The following RNF111 variants were observed in gnomAD, a reference collection of about 807,000 sequenced individuals.
RNF111 encodes the protein E3 ubiquitin-protein ligase Arkadia.
A neutral mutation model predicts 95.1 loss-of-function variants in RNF111; 17 were observed. That is an observed-to-expected ratio of 0.18 (90% CI 0.12 to 0.27). The LOEUF (loss-of-function observed/expected upper bound fraction) is 0.27. Ranked by LOEUF, RNF111 falls within the 10% of genes least tolerant of loss-of-function variation. The probability of loss-of-function intolerance (pLI) is 1.00; values close to 1 mark genes in which losing one functional copy is unlikely to be tolerated. For missense variants in RNF111, 1,189 were observed against 1,210.4 expected, an observed-to-expected ratio of 0.98 and a Z score of 0.26; for synonymous variants, 440 against 414.8, an observed-to-expected ratio of 1.06 and a Z score of -0.74.
At chr15:59,012,003 C>CTTTTTTTTTTTTTTTTTTTTTT (rs71425836) in intron 1 of RNF111, among the ~76,000 whole-genome samples, 4 of 40,450 alleles carry the variant, frequency 9.9e-5, no homozygotes, top group Admixed American at 5.0e-4. Context: ...GTTTGTTTGC[C>CTTTTTTTTTTTTTTTTTTTTTT]TTTTTTTTTT....
intron 2 of RNF111, among the ~76,000 whole-genome samples, chr15:59,041,079 G>C (rs903364586): frequency 6.6e-6 from 1 of 151,892 alleles, no homozygotes; most frequent in South Asian, 2.1e-4. Context: ...TATTGTTGGG[G>C]TATACAGAGA....
At chr15:59,060,807 A>ATTT (rs201470570) in intron 5 of RNF111, among the ~76,000 whole-genome samples, 18,332 of 144,014 alleles carry the variant, frequency 0.13, 1,335 homozygotes, top group Middle Eastern at 0.21. Context: ...TATTATTATT[A>ATTT]TTTTTTTTTT....
intron 1 of RNF111, among the ~76,000 whole-genome samples, chr15:58,990,207 A>C (rs1476022526): frequency 6.6e-6 from 1 of 152,216 alleles, no homozygotes; most frequent in African/African-American, 2.4e-5. Flanking sequence ...ATTGTAGAAT[A>C]GATAACTTTC....
intron 1 of RNF111, among the ~76,000 whole-genome samples, chr15:58,993,037 G>T (rs759542624): frequency 2.0e-5 from 3 of 151,468 alleles, no homozygotes; most frequent in Non-Finnish European, 2.9e-5. Flanking sequence ...GGGCATGGTG[G>T]CGGGTGCTTG....
At position 59,002,565 on chromosome 15, in the gene RNF111, AAAAG is replaced by A. The variant is rs1382863589; in HGVS notation, c.-20+14499_-20+14502del. 9.2e-5 allele frequency among the ~76,000 whole-genome samples: 14 copies of A among 152,304 alleles called. No homozygotes were observed. The South Asian group carries it at 1.0e-3, about 11-fold the overall frequency. On this transcript the variant is annotated intron_variant, in intron 1 of 13. Transcript: ENST00000348370. ...AACTGTGCATTTAATTAAAAAAAAA[AAAAG>A]AGAGAGAGTGACCAAACTCAACAAC...
At position 59,067,057 on chromosome 15, in the gene RNF111, A is replaced by G. The variant is rs1159950233; in HGVS notation, c.1660A>G (p.Ser554Gly). ...QVQAPCGANS[S>G]SGTSYHEQQA... ...ACAAGCACCTTGTGGAGCAAATAGT[A>G]GTTCTGGTACCAGCTATCATGAACA... Residue 554 changes from serine (S) to glycine (G), a missense_variant, in exon 6 of 14, where the codon AGT becomes GGT. Ser to Gly is a moderately conservative substitution (Grantham distance 56). Around this residue, in one of 2 missense-constraint regions of RNF111, gnomAD observed 1,024 missense variants for 925.9 expected, o/e 1.11. Coordinates refer to ENST00000348370, the MANE Select transcript of RNF111 (RefSeq NM_017610.8). The G allele has an allele frequency of 1.9e-6, 3 of 1,614,028 alleles. No individual in the cohort carries two copies. Among genetic ancestry groups the G allele is most frequent in the East Asian group, 2.2e-5 (1 of 44,878 alleles).
At chr15:59,044,013 C>G (rs2041590913) in intron 2 of RNF111, among the ~76,000 whole-genome samples, 1 of 152,158 alleles carries the variant, frequency 6.6e-6, no homozygotes, top group Non-Finnish European at 1.5e-5. Flanking sequence ...TTTGTGCTCA[C>G]AGATTGGAAA....
intron 10 of RNF111, among the ~76,000 whole-genome samples, chr15:59,087,923 A>G (rs2078943287): frequency 6.6e-6 from 1 of 152,202 alleles, no homozygotes; most frequent in Non-Finnish European, 1.5e-5. Flanking sequence ...TGGTTCAGTA[A>G]TGGTGAGTGA....
intron 1 of RNF111, among the ~76,000 whole-genome samples, chr15:59,020,668 C>T (rs2040295627): frequency 2.0e-5 from 3 of 152,180 alleles, no homozygotes; most frequent in Admixed American, 2.0e-4. Flanking sequence ...ATTAAGTTCA[C>T]TGAGAAATTG....
intron 1 of RNF111, among the ~76,000 whole-genome samples, chr15:59,016,815 A>G (rs1381141095): frequency 1.3e-5 from 2 of 152,118 alleles, no homozygotes; most frequent in African/African-American, 4.8e-5. Flanking sequence ...AGCTTCATCT[A>G]TATTTACAGC....
At chr15:59,094,015 C>T (rs971198734) in intron 13 of RNF111, among the ~76,000 whole-genome samples, 3 of 152,068 alleles carry the variant, frequency 2.0e-5, no homozygotes, top group African/African-American at 7.2e-5. Flanking sequence ...GAAATGGACA[C>T]GAGTCAGTAA....
chr15:59,003,410 C>CT (rs768487155), intron 1 of RNF111, among the ~76,000 whole-genome samples: 3 of 150,742 alleles, frequency 2.0e-5, no homozygotes, highest in Non-Finnish European at 4.4e-5. Context: ...CGGCCTTTTT[C>CT]TTTTTTGAGA....
At chr15:59,060,620 GTAAGAC>G (rs1312720293) in intron 5 of RNF111, among the ~76,000 whole-genome samples, 1 of 152,050 alleles carries the variant, frequency 6.6e-6, no homozygotes, top group Non-Finnish European at 1.5e-5. Context: ...AGATGACAGA[GTAAGAC>G]CCTGTTTTAA....
chr15:58,998,052 G>C (rs980966246), intron 1 of RNF111, among the ~76,000 whole-genome samples: 1 of 151,226 alleles, frequency 6.6e-6, no homozygotes, highest in African/African-American at 2.4e-5. Flanking sequence ...TTACAGGCCC[G>C]TGCCACCACA....
intron 1 of RNF111, among the ~76,000 whole-genome samples, chr15:59,013,159 AGTTT>A (rs1199623712): frequency 6.6e-6 from 1 of 152,200 alleles, no homozygotes; most frequent in Non-Finnish European, 1.5e-5. Context: ...GATCAGGGGA[AGTTT>A]GTAAATAATA....
At chr15:58,992,744 C>T (rs939550139) in intron 1 of RNF111, among the ~76,000 whole-genome samples, 14 of 152,036 alleles carry the variant, frequency 9.2e-5, no homozygotes, top group African/African-American at 2.9e-4. Context: ...GGCTTGAGCC[C>T]GGGAGGCAGA....
intron 2 of RNF111, among the ~76,000 whole-genome samples, chr15:59,038,436 C>G (rs577989246): frequency 3.3e-4 from 50 of 152,244 alleles, no homozygotes; most frequent in African/African-American, 1.2e-3. Flanking sequence ...GGAATTATAT[C>G]TAATGCTGTG....
chr15:59,071,315 A>G (rs1399628967), intron 6 of RNF111, among the ~76,000 whole-genome samples: 2 of 150,970 alleles, frequency 1.3e-5, no homozygotes, highest in Admixed American at 6.6e-5. Flanking sequence ...AAAAAAAAAA[A>G]AAGAATACGA....
intron 1 of RNF111, among the ~76,000 whole-genome samples, chr15:59,016,321 C>T (rs1228480599): frequency 6.6e-6 from 1 of 151,998 alleles, no homozygotes; most frequent in Non-Finnish European, 1.5e-5. Context: ...AGGCACGCAC[C>T]ACCACGCCCA....
Sources: gnomAD v4.1 joint callset for allele counts (sites outside exome capture counted in the v4.1 genomes callset) on GRCh38, gnomAD v4.1.1 for gene constraint, gnomAD v4.1.1 regional missense constraint, MANE v1.5 for transcripts, NCBI Gene and HGNC (gene_info 2026-07-23, HGNC 2026-07-21) for gene names.